The following DPF3 variants were observed in gnomAD, a reference collection of about 807,000 sequenced individuals.
DPF3 encodes double PHD fingers 3, also known as zinc finger protein DPF3.
DPF3 carries 18 observed loss-of-function variants against 56.8 expected under a neutral mutation model. That is an observed-to-expected ratio of 0.32 (90% CI 0.22 to 0.47). The LOEUF (loss-of-function observed/expected upper bound fraction) is 0.47. Ranked by LOEUF, DPF3 falls within the 20% of genes least tolerant of loss-of-function variation. The pLI is 1.00. For missense variants in DPF3, 403 were observed against 488.8 expected (o/e 0.82, Z 1.65); for synonymous variants, 188 against 180.2 (o/e 1.04, Z -0.35).
intron 3 of DPF3, among the ~76,000 whole-genome samples, chr14:72,741,755 G>A (rs998201931): frequency 4.6e-5 from 7 of 152,220 alleles, no homozygotes; most frequent in South Asian, 2.1e-4. Flanking sequence ...ATGGGCCCTC[G>A]CCGTCAAGTT....
chr14:72,694,362 C>T (rs1887823200), intron 6 of DPF3, among the ~76,000 whole-genome samples: 1 of 152,234 alleles, frequency 6.6e-6, no homozygotes, highest in South Asian at 2.1e-4. Context: ...TAAAAGACTT[C>T]TCCCTTGTGC....
At chr14:72,651,915 A>G (rs1885920285) in intron 8 of DPF3, among the ~76,000 whole-genome samples, 1 of 152,174 alleles carries the variant, frequency 6.6e-6, no homozygotes, top group South Asian at 2.1e-4. Flanking sequence ...GCACACTGGC[A>G]TAACTCCACG....
chr14:72,629,799 C>A, intron 8 of DPF3, 63 bp from the exon 9 acceptor site: 1 of 1,303,924 alleles, frequency 7.7e-7, no homozygotes, highest in South Asian at 1.3e-5. Flanking sequence ...CTCAACACCA[C>A]TCACTGGAAA....
intron 6 of DPF3, among the ~76,000 whole-genome samples, chr14:72,702,724 C>T (rs778005743): frequency 3.9e-5 from 6 of 152,222 alleles, no homozygotes; most frequent in Non-Finnish European, 8.8e-5. Context: ...CTCCCAGATA[C>T]AAACTCAGAT....
intron 7 of DPF3, among the ~76,000 whole-genome samples, chr14:72,676,355 G>C (rs1382028065): frequency 3.3e-5 from 5 of 152,182 alleles, no homozygotes; most frequent in Non-Finnish European, 5.9e-5. Flanking sequence ...TACTCTTAGG[G>C]ACTTCCTATA....
intron 3 of DPF3, among the ~76,000 whole-genome samples, chr14:72,740,885 T>C (rs1470273430): frequency 6.6e-6 from 1 of 152,158 alleles, no homozygotes; most frequent in Non-Finnish European, 1.5e-5. Context: ...CTAGGTCATC[T>C]ATAGACTGGG....
chr14:72,645,114 C>G (rs1599325207), intron 8 of DPF3, among the ~76,000 whole-genome samples: 1 of 152,166 alleles, frequency 6.6e-6, no homozygotes, highest in East Asian at 1.9e-4. Context: ...GAATTAAGGA[C>G]TCACATCTTA....
Position 72,674,304 on chromosome 14 carries a change from G to A in DPF3, c.807C>T (p.Ser269=), listed in dbSNP as rs1386184165. ...GCCGCCCACTCTTCTTGTTCATGTT[G>A]GAGCCCCCCAAGCAGAAGTCACAGT... ...NNYCDFCLGG[S]NMNKKSGRPE... The change falls in exon 8 of 11, where the codon TCC becomes TCT. Residue 269 remains serine, a synonymous_variant. Transcript: ENST00000556509. 1 of 1,612,478 alleles carries A rather than the reference G, an allele frequency of 6.2e-7. No individual in the cohort carries two copies. Among genetic ancestry groups the A allele is most frequent in the African/African-American group, 1.3e-5 (1 of 74,876 alleles).
Position 72,753,327 on chromosome 14 carries a change from G to T in DPF3, c.238C>A (p.Arg80Ser), listed in dbSNP as rs369823716. 125 of 1,613,320 alleles carry T rather than the reference G, an allele frequency of 7.7e-5. 3 individuals carry two copies. The South Asian group carries it at 1.1e-3, about 15-fold the overall frequency. The change falls in exon 3 of 11, where the codon CGC becomes AGC. Residue 80 changes from arginine (R) to serine (S), a missense_variant. Physicochemically the swap from Arg to Ser is moderately radical, Grantham distance 110 (BLOSUM62 -1). Transcript: ENST00000556509. Reference sequence around the variant, plus strand: ...GGTGGGTGCAATCGTCTCTTCTTGCGCCAGCAGCGGGCAGGGTATGTATAC... The same window carrying T: ...GGTGGGTGCAATCGTCTCTTCTTGCTCCAGCAGCGGGCAGGGTATGTATAC... ...QLYTYPARCW[R>S]KKRRLHPPED...
intron 1 of DPF3, among the ~76,000 whole-genome samples, chr14:72,849,615 C>A (rs1884893250): frequency 6.6e-6 from 1 of 152,150 alleles, no homozygotes; most frequent in African/African-American, 2.4e-5. Context: ...CCCACCTTCA[C>A]CCTAACTTCA....
chr14:72,884,324 A>T (rs1886433281), intron 1 of DPF3, among the ~76,000 whole-genome samples: 1 of 152,188 alleles, frequency 6.6e-6, no homozygotes, highest in East Asian at 1.9e-4. Context: ...CCTGAGAAAC[A>T]ATGATTAGAT....
chr14:72,643,815 G>A (rs962935414), intron 8 of DPF3, among the ~76,000 whole-genome samples: 3 of 152,234 alleles, frequency 2.0e-5, no homozygotes, highest in Non-Finnish European at 2.9e-5. Context: ...AAGGACAGAA[G>A]TGTTCCCCAC....
intron 8 of DPF3, chr14:72,661,603 C>T (rs759346846): frequency 1.2e-4 from 117 of 985,400 alleles, no homozygotes; most frequent in Middle Eastern, 1.0e-3. Flanking sequence ...TACATCCCAT[C>T]GGCCAAAACG....
At chr14:72,863,771 T>A (rs1599505971) in intron 1 of DPF3, among the ~76,000 whole-genome samples, 1 of 152,158 alleles carries the variant, frequency 6.6e-6, no homozygotes, top group Admixed American at 6.5e-5. Context: ...GTGGCTAGCA[T>A]AGACACAGCC....
intron 7 of DPF3, among the ~76,000 whole-genome samples, chr14:72,688,919 T>C (rs1887550444): frequency 6.6e-6 from 1 of 151,960 alleles, no homozygotes; most frequent in Admixed American, 6.6e-5. Context: ...TGGCTTCCTG[T>C]AGTTGAGGCA....
At chr14:72,708,828 G>A (rs1254281569) in intron 6 of DPF3, among the ~76,000 whole-genome samples, 1 of 152,170 alleles carries the variant, frequency 6.6e-6, no homozygotes, top group Non-Finnish European at 1.5e-5. Flanking sequence ...ATGTCCTCCA[G>A]ACATCTTGCC....
chr14:72,690,938 G>A (rs569748561), intron 7 of DPF3, among the ~76,000 whole-genome samples: 128 of 152,308 alleles, frequency 8.4e-4, no homozygotes, highest in African/African-American at 2.9e-3. Context: ...CAACAGCTCC[G>A]TGTGACCTCT....
intron 1 of DPF3, among the ~76,000 whole-genome samples, chr14:72,787,741 C>T (rs1448140884): frequency 6.6e-6 from 1 of 152,090 alleles, no homozygotes; most frequent in African/African-American, 2.4e-5. Context: ...AGACACGTGG[C>T]CCAAGGCACG....
intron 7 of DPF3, among the ~76,000 whole-genome samples, chr14:72,684,946 C>A (rs1464438077): frequency 6.6e-6 from 1 of 152,182 alleles, no homozygotes; most frequent in African/African-American, 2.4e-5. Context: ...CACCCGTACA[C>A]ACCAAAGAAA....
Sources: gnomAD v4.1 joint callset for allele counts (sites outside exome capture counted in the v4.1 genomes callset) on GRCh38, gnomAD v4.1.1 for gene constraint, MANE v1.5 for transcripts, NCBI Gene and HGNC (gene_info 2026-07-23, HGNC 2026-07-21) for gene names.